SULT1C4: variants seen among roughly 807,000 people sequenced by gnomAD.
The protein encoded by SULT1C4 is sulfotransferase family 1C member 4.
SULT1C4 carries 32 observed loss-of-function variants against 34.8 expected under a neutral mutation model. The observed-to-expected ratio is 0.92, with a 90% CI of 0.69 to 1.23. The LOEUF (loss-of-function observed/expected upper bound fraction) is 1.23, where lower values mean the gene tolerates loss of function less well. Ranked by LOEUF, SULT1C4 falls within the 50% of genes most tolerant of loss-of-function variation. SULT1C4 has a pLI of 0.00. For synonymous variants in SULT1C4, 111 were observed against 120.5 expected (o/e 0.92, Z 0.51); for missense variants, 375 against 365.9 (o/e 1.02, Z -0.20).
rs564896461 is a variant in SULT1C4 at position 108,378,137 on chromosome 2, C to A, written c.-201C>A. The A allele has an allele frequency of 4.5e-6, 2 of 439,560 alleles. No homozygotes were observed. The highest frequency in any genetic ancestry group is 3.6e-5 in the East Asian group (1 of 27,592). 27.2% of individuals were successfully genotyped at this position (439,560 alleles called of 1,614,324 possible). A position where few individuals can be genotyped will look rare whatever the true frequency, so the allele number is the denominator to read the frequency against. On this transcript the variant is annotated 5_prime_UTR_variant, in exon 1 of 7. Transcript: ENST00000272452. ...AACTGCCAGTGGACAAAGTCATAAA[C>A]AAGAGTTCCAGTTCCCTGGAACCTG...
At chr2:108,382,655 G>A (rs1028782785) in intron 3 of SULT1C4, 173 bp downstream of exon 3, 4 of 589,630 alleles carry the variant, frequency 6.8e-6, no homozygotes, top group African/African-American at 5.6e-5. Flanking sequence ...TGTAATCACA[G>A]CATTTTGGGA....
Position 108,378,270 on chromosome 2 carries a change from C to A in SULT1C4, c.-68C>A. ...TGGTGGATAGAGTGCTGCCTCTATC[C>A]ACAACGCAGCCATATGCTGACTGAA... On this transcript the variant is annotated 5_prime_UTR_variant, in exon 1 of 7. Coordinates refer to ENST00000272452, the MANE Select transcript of SULT1C4 (RefSeq NM_006588.4). 6.7e-7 allele frequency: 1 copy of A among 1,490,448 alleles called. No homozygotes were observed. Among genetic ancestry groups the A allele is most frequent in the South Asian group, 1.2e-5 (1 of 80,320 alleles). 92.3% of individuals were successfully genotyped at this position (1,490,448 alleles called of 1,614,324 possible). A position where few individuals can be genotyped will look rare whatever the true frequency, so the allele number is the denominator to read the frequency against.
At position 108,382,396 on chromosome 2, in the gene SULT1C4, G is replaced by T; in HGVS notation, c.307G>T (p.Ala103Ser). 1.2e-6 allele frequency: 2 copies of T among 1,613,804 alleles called. No homozygotes were observed. The highest frequency in any genetic ancestry group is 1.1e-5 in the South Asian group (1 of 91,052). The change falls in exon 3 of 7, where the codon GCT becomes TCT. Residue 103 changes from alanine (A) to serine (S), a missense_variant. Coordinates refer to ENST00000272452, the MANE Select transcript of SULT1C4 (RefSeq NM_006588.4). ...AACCAGTTTTGCAGGTTTGGAACAA[G>T]CTCATGCAATGCCCTCACCACGGAT... ...IPSLGSGLEQ[A>S]HAMPSPRILK...
chr2:108,381,693 T>C (rs1040972659), intron 1 of SULT1C4, 69 bp from the exon 2 acceptor site: 1 of 1,306,984 alleles, frequency 7.7e-7, no homozygotes, highest in Non-Finnish European at 9.9e-7. Context: ...TTCTAACAAG[T>C]ATTTGATCAT....
intron 2 of SULT1C4, 54 bp from the exon 3 acceptor site, chr2:108,382,331 A>T: frequency 1.4e-6 from 2 of 1,401,860 alleles, no homozygotes; most frequent in Non-Finnish European, 2.0e-6. Flanking sequence ...CAAGACTTGG[A>T]AGCAAATAGA....
At chr2:108,382,364 G>T in intron 2 of SULT1C4, 21 bp from the exon 3 acceptor site, 2 of 1,595,938 alleles carry the variant, frequency 1.3e-6, no homozygotes, top group South Asian at 1.1e-5. Context: ...CGTAGAAATT[G>T]ATCGAAAACC....
At chr2:108,387,229 G>A (rs1678590979) in intron 6 of SULT1C4, 91 bp from the exon 7 acceptor site, 9 of 962,756 alleles carry the variant, frequency 9.3e-6, no homozygotes, top group South Asian at 1.6e-5. Context: ...CCTAGAACAT[G>A]GCATAGAAAT....
rs1016275005 is a variant in SULT1C4, at chr2:108,388,776, C to T, written c.*1344C>T. Among the ~76,000 whole-genome samples the T allele has an allele frequency of 1.3e-5, 2 of 152,120 alleles. No homozygotes were observed. Among genetic ancestry groups the T allele is most frequent in the Non-Finnish European group, 2.9e-5 (2 of 68,004 alleles). On this transcript the variant is annotated 3_prime_UTR_variant, in exon 7 of 7. Transcript: ENST00000272452. ...ACTGGGTCCTAGTCACATCTTACCACTTCCTACCCTCCCAGTTTTATTTAT... is the reference window on the plus strand; with the variant it reads ...ACTGGGTCCTAGTCACATCTTACCATTTCCTACCCTCCCAGTTTTATTTAT...
chr2:108,383,053 T>G (rs370945381), intron 3 of SULT1C4, 40 bp from the exon 4 acceptor site: 151 of 1,528,826 alleles, frequency 9.9e-5, no homozygotes, highest in Non-Finnish European at 1.2e-4. Context: ...AAATTCCTGT[T>G]TTTTTGCTTC....
intron 5 of SULT1C4, among the ~76,000 whole-genome samples, chr2:108,384,797 G>A (rs997294354): frequency 8.5e-5 from 13 of 152,154 alleles, no homozygotes; most frequent in Non-Finnish European, 4.4e-5. Context: ...GATCTATACA[G>A]AATTACAGTG....
In SULT1C4 at chr2:108,387,400, G is replaced by C; in HGVS notation, c.877G>C (p.Asp293His). ...TGAAGATTACAAGAAGAAAATGACTGATACCAGACTAACTTTCCACTTCCA... is the reference window on the plus strand; with the variant it reads ...TGAAGATTACAAGAAGAAAATGACTCATACCAGACTAACTTTCCACTTCCA... ...FDEDYKKKMTDTRLTFHFQF is the reference protein window; with the variant it reads ...FDEDYKKKMTHTRLTFHFQF Residue 293 changes from aspartate (D) to histidine (H), a missense_variant, in exon 7 of 7, where the codon GAT (aspartate) becomes CAT (histidine). Asp to His is a moderately conservative substitution (Grantham distance 81). Transcript: ENST00000272452. 2 of 1,613,426 alleles carry C rather than the reference G, an allele frequency of 1.2e-6. No homozygotes were observed. The highest frequency in any genetic ancestry group is 1.7e-6 in the Non-Finnish European group (2 of 1,179,612).
chr2:108,385,711 C>A (rs1035699079), intron 5 of SULT1C4, among the ~76,000 whole-genome samples: 1 of 152,132 alleles, frequency 6.6e-6, no homozygotes, highest in East Asian at 1.9e-4. Context: ...ACCAGAGTCA[C>A]TAGCCATGAG....
intron 5 of SULT1C4, among the ~76,000 whole-genome samples, chr2:108,384,029 A>G (rs1431894811): frequency 6.7e-6 from 1 of 148,682 alleles, no homozygotes; most frequent in African/African-American, 2.5e-5. Flanking sequence ...CCACCATGCC[A>G]GCTAATTATT....
At chr2:108,386,693 A>C (rs1422958916) in intron 6 of SULT1C4, among the ~76,000 whole-genome samples, 1 of 152,232 alleles carries the variant, frequency 6.6e-6, no homozygotes, top group Non-Finnish European at 1.5e-5. Context: ...GTTCTATGCT[A>C]TCAGATTCAG....
intron 3 of SULT1C4, 61 bp downstream of exon 3, chr2:108,382,543 C>A: frequency 8.2e-7 from 1 of 1,214,280 alleles, no homozygotes; most frequent in Non-Finnish European, 1.2e-6. Context: ...CTTCCATTTC[C>A]TCTTAAAACA....
chr2:108,382,073 A>G (rs1323902053), intron 2 of SULT1C4, 186 bp downstream of exon 2: 2 of 680,378 alleles, frequency 2.9e-6, no homozygotes, highest in East Asian at 6.2e-5. Context: ...CTGTTTGTAC[A>G]AAAGTGAGTT....
chr2:108,383,432 G>T lies in SULT1C4; in HGVS notation c.537G>T (p.Trp179Cys). Residue 179 changes from tryptophan (W) to cysteine (C), a missense_variant, in exon 5 of 7, where the codon TGG becomes TGT. Coordinates refer to ENST00000272452, the MANE Select transcript of SULT1C4 (RefSeq NM_006588.4). ...ATCCTCCAGTGTGCTGGGGCTCCTGGCATGAACATGTGAAAGGATGGTGGG... is the reference window on the plus strand; with the variant it reads ...ATCCTCCAGTGTGCTGGGGCTCCTGTCATGAACATGTGAAAGGATGGTGGG... ...FLAGKVCWGS[W>C]HEHVKGWWEA... 1.9e-6 allele frequency: 3 copies of T among 1,614,124 alleles called. No individual in the cohort carries two copies. Among genetic ancestry groups the T allele is most frequent in the Non-Finnish European group, 2.5e-6 (3 of 1,180,006 alleles).
At chr2:108,381,023 T>C (rs878970513) in intron 1 of SULT1C4, among the ~76,000 whole-genome samples, 6 of 152,190 alleles carry the variant, frequency 3.9e-5, no homozygotes, top group Admixed American at 3.9e-4. Context: ...CAAGCCCTAA[T>C]GGTTCACTCA....
chr2:108,385,190 C>A (rs6739402), intron 5 of SULT1C4, among the ~76,000 whole-genome samples: 27,970 of 152,078 alleles, frequency 0.18, 3,102 homozygotes, highest in African/African-American at 0.29. Context: ...AGTGTTGTGC[C>A]ACCATACGAA....
Sources: allele counts gnomAD v4.1 joint callset (sites outside exome capture counted in the v4.1 genomes callset), GRCh38; gene constraint gnomAD v4.1.1; transcripts MANE v1.5; gene names NCBI Gene and HGNC (gene_info 2026-07-23, HGNC 2026-07-21).